The following ANO5 variants were observed in gnomAD, a reference collection of about 807,000 sequenced individuals.
The protein encoded by ANO5 is anoctamin 5.
ANO5 carries 109 observed loss-of-function variants against 121.0 expected under a neutral mutation model. The ratio of observed to expected loss-of-function variants is 0.90; its 90% CI spans 0.77 to 1.06. The LOEUF is 1.06. ANO5 is among the 50% of genes least tolerant of loss of function. The probability of loss-of-function intolerance (pLI) is 0.00; values close to 1 mark genes in which losing one functional copy is unlikely to be tolerated. For synonymous variants in ANO5, 406 were observed against 359.9 expected, an observed-to-expected ratio of 1.13 and a Z score of -1.45; for missense variants, 1,064 against 1,078.5, an observed-to-expected ratio of 0.99 and a Z score of 0.19.
rs1852264115 is a variant in ANO5 at position 22,211,199 on chromosome 11, A to T, written c.88-65A>T. ...GATTACAGAGTTGTTACTGAAACTT[A>T]AAAGCACCCTTTGCTCCACCTGCAC... On this transcript the variant is annotated intron_variant, in intron 2 of 21. Transcript: ENST00000324559. The T allele has an allele frequency of 6.4e-6, 10 of 1,551,820 alleles. 1 individual carries two copies. The Admixed American group carries it at 1.7e-4, about 26-fold the overall frequency.
intron 17 of ANO5, among the ~76,000 whole-genome samples, chr11:22,263,356 C>T (rs1854260434): frequency 6.6e-6 from 1 of 152,000 alleles, no homozygotes; most frequent in Admixed American, 6.6e-5. Context: ...ATTTTTGTTA[C>T]TTTTCTTTCC....
intron 17 of ANO5, among the ~76,000 whole-genome samples, chr11:22,267,621 CTTT>C (rs202229854): frequency 1.7e-5 from 1 of 60,308 alleles, no homozygotes; most frequent in Non-Finnish European, 3.1e-5. Context: ...CAATCTCTCT[CTTT>C]TTTTTTAACT....
chr11:22,248,614 G>A (rs1339840392), intron 9 of ANO5, among the ~76,000 whole-genome samples: 1 of 151,922 alleles, frequency 6.6e-6, no homozygotes, highest in East Asian at 1.9e-4. Context: ...ATTTCCACAT[G>A]TAATAAATAC....
chr11:22,276,941 G>T (rs568212637), intron 21 of ANO5, among the ~76,000 whole-genome samples: 12 of 151,278 alleles, frequency 7.9e-5, no homozygotes, highest in South Asian at 4.1e-4. Flanking sequence ...TGTTATCAAG[G>T]TTTCACATGT....
chr11:22,239,573 A>G lies in ANO5; in HGVS notation c.767A>G (p.Gln256Arg). Residue 256 changes from glutamine to arginine, a missense_variant, in exon 9 of 22, where the codon CAA becomes CGA. By Grantham distance (43) the Gln-to-Arg change is conservative (BLOSUM62 1). Transcript: ENST00000324559. ...CCTCCTCTTGAATATCTGCAGGGCCAATATTGGAAGCCATCAGAACCTCCC... is the reference window on the plus strand; with the variant it reads ...CCTCCTCTTGAATATCTGCAGGGCCGATATTGGAAGCCATCAGAACCTCCC... ...YSSAYPLHDGQYWKPSEPPNP... is the reference protein window; with the variant it reads ...YSSAYPLHDGRYWKPSEPPNP... The G allele has an allele frequency of 6.2e-7, 1 of 1,608,420 alleles. No individual in the cohort carries two copies. The highest frequency in any genetic ancestry group is 8.5e-7 in the Non-Finnish European group (1 of 1,175,112).
chr11:22,246,856 CAAAAA>C (rs10565920), intron 9 of ANO5, among the ~76,000 whole-genome samples: 846 of 62,196 alleles, frequency 0.014, 7 homozygotes, highest in African/African-American at 0.038. Flanking sequence ...GACCCTGTTT[CAAAAA>C]AAAAAAAAAA....
In ANO5 at chr11:22,221,116, G is replaced by A; in HGVS notation, c.200G>A (p.Ser67Asn). ...RRLMFQKNQQSKDSIFFRDGI... is the reference protein window; with the variant it reads ...RRLMFQKNQQNKDSIFFRDGI... Reference sequence around the variant, plus strand: ...CTGCAGTTTCAAAAAAATCAGCAAAGCAAAGATTCTATCTTCTTCCGAGAT... The same window carrying A: ...CTGCAGTTTCAAAAAAATCAGCAAAACAAAGATTCTATCTTCTTCCGAGAT... Residue 67 changes from serine (S) to asparagine (N), a missense_variant, in exon 5 of 22, where the codon AGC (serine) becomes AAC (asparagine). Coordinates refer to ENST00000324559, the MANE Select transcript of ANO5 (RefSeq NM_213599.3). 1 of 1,611,432 alleles carries A rather than the reference G, an allele frequency of 6.2e-7. No individual in the cohort carries two copies. Among genetic ancestry groups the A allele is most frequent in the South Asian group, 1.1e-5 (1 of 91,010 alleles).
At chr11:22,228,465 A>G (rs1852920728) in intron 7 of ANO5, among the ~76,000 whole-genome samples, 1 of 151,998 alleles carries the variant, frequency 6.6e-6, no homozygotes, top group African/African-American at 2.4e-5. Flanking sequence ...TAGCATCTCC[A>G]TCATCTTAAA....
intron 21 of ANO5, 36 bp downstream of exon 21, chr11:22,276,235 T>C (rs1485663660): frequency 6.7e-7 from 1 of 1,491,084 alleles, no homozygotes; most frequent in East Asian, 2.3e-5. Flanking sequence ...AGTTACTCTC[T>C]TCTCTCTTTA....
chr11:22,205,537 C>CAAAATAAAAT (rs66490106), intron 2 of ANO5, among the ~76,000 whole-genome samples: 7 of 148,002 alleles, frequency 4.7e-5, no homozygotes, highest in Admixed American at 2.7e-4. Context: ...CAGGCTGTCT[C>CAAAATAAAAT]AAAATAAAAT....
intron 8 of ANO5, among the ~76,000 whole-genome samples, chr11:22,236,720 C>T (rs1853233757): frequency 1.3e-5 from 2 of 152,140 alleles, no homozygotes; most frequent in Admixed American, 1.3e-4. Context: ...TTCTGTTAGG[C>T]ATTATTGGAA....
At chr11:22,276,279 A>AAGTT (rs1854846027) in intron 21 of ANO5, 80 bp downstream of exon 21, 6 of 1,152,894 alleles carry the variant, frequency 5.2e-6, no homozygotes, top group Admixed American at 3.5e-5. Context: ...TCTCATCAGA[A>AAGTT]AGTTAGCAAT....
At chr11:22,193,037 A>G (rs2133471217), upstream of ANO5, 1 of 1,019,538 alleles carries the variant, frequency 9.8e-7, no homozygotes. Context: ...GAGGCGTGGA[A>G]ACAGGGACGC....
intron 8 of ANO5, 70 bp from the exon 9 acceptor site, chr11:22,239,499 G>T (rs1003951727): frequency 3.9e-6 from 4 of 1,029,126 alleles, no homozygotes; most frequent in African/African-American, 1.6e-5. Flanking sequence ...TCTTAGAACA[G>T]CAGTGTTTAT....
At chr11:22,252,105 A>AG (rs11383940) in intron 12 of ANO5, among the ~76,000 whole-genome samples, 122,425 of 148,170 alleles carry the variant, frequency 0.83, 51,082 homozygotes, top group African/African-American at 0.93. Context: ...CAAAATTTGT[A>AG]GTATGTTTGC....
intron 3 of ANO5, among the ~76,000 whole-genome samples, chr11:22,216,715 C>T (rs928065603): frequency 1.3e-5 from 2 of 151,772 alleles, no homozygotes; most frequent in Non-Finnish European, 2.9e-5. Flanking sequence ...CATATTTTAT[C>T]TTTTATCATC....
At chr11:22,252,029 C>CAAAAAAAAAAA (rs10525160) in intron 12 of ANO5, among the ~76,000 whole-genome samples, 22 of 45,822 alleles carry the variant, frequency 4.8e-4, no homozygotes, top group African/African-American at 1.5e-3. Context: ...GACGCCGTCT[C>CAAAAAAAAAAA]AAAAAAAAAA....
In ANO5 at chr11:22,225,489, A is replaced by G. The variant is rs189009121; in HGVS notation, c.295-495A>G. On this transcript the variant is annotated intron_variant, in intron 5 of 21. Coordinates refer to ENST00000324559, the MANE Select transcript of ANO5 (RefSeq NM_213599.3). ...CGAACAAACAAACAAATGAAGAACT[A>G]AGCACCCAAGTGGTTATTTTCAGTA... Among the ~76,000 whole-genome samples the G allele has an allele frequency of 1.3e-3, 196 of 152,138 alleles. 1 individual carries two copies. Among genetic ancestry groups the G allele is most frequent in the African/African-American group, 4.6e-3 (190 of 41,526 alleles).
At position 22,278,333 on chromosome 11, in the gene ANO5, TTCTTTGATAAATTTTTGATAATG is replaced by T. The variant is rs1403378086; in HGVS notation, c.2521-1194_2521-1172del. ...AGTTGAGAAAATTTGCTGGCATAATTTCTTTGATAAATTTTTGATAATGTCTTTGATAAATTTTTTCTTTCTTT... is the reference window on the plus strand; with the variant it reads ...AGTTGAGAAAATTTGCTGGCATAATTTCTTTGATAAATTTTTTCTTTCTTT... On this transcript the variant is annotated intron_variant, in intron 21 of 21. Transcript: ENST00000324559. 2.6e-5 allele frequency among the ~76,000 whole-genome samples: 4 copies of T among 151,886 alleles called. No individual in the cohort carries two copies. In the South Asian group the frequency reaches 6.2e-4, roughly 24 times the overall value.
Sources: gnomAD v4.1 joint callset for allele counts (sites outside exome capture counted in the v4.1 genomes callset) on GRCh38, gnomAD v4.1.1 for gene constraint, MANE v1.5 for transcripts, NCBI Gene and HGNC (gene_info 2026-07-23, HGNC 2026-07-21) for gene names.